Variants in STAT5B observed in about 807,000 individuals in gnomAD.
The protein encoded by STAT5B is signal transducer and activator of transcription 5B, also known as transcription factor STAT5B.
In STAT5B, 21 loss-of-function variants were observed where a neutral mutation model predicts 107.8. That is an observed-to-expected ratio of 0.19 (90% CI 0.14 to 0.28). The LOEUF is 0.28. STAT5B is among the 10% of genes least tolerant of loss of function. The pLI is 1.00. For synonymous variants in STAT5B, 325 were observed against 401.7 expected, an observed-to-expected ratio of 0.81 and a Z score of 2.28; for missense variants, 565 against 1,008.2, an observed-to-expected ratio of 0.56 and a Z score of 5.95.
chr17:42,210,373 G>C, intron 14 of STAT5B, 30 bp downstream of exon 14: 2 of 1,614,166 alleles, frequency 1.2e-6, no homozygotes, highest in Non-Finnish European at 1.7e-6. Flanking sequence ...TTCAGACTCT[G>C]TCGGCGCCTT....
intron 2 of STAT5B, among the ~76,000 whole-genome samples, chr17:42,228,108 C>A (rs1278198550): frequency 6.6e-6 from 1 of 152,204 alleles, no homozygotes; most frequent in Non-Finnish European, 1.5e-5. Context: ...TCTACATGTC[C>A]TTTCCAGCCT....
chr17:42,273,219 G>GA lies in STAT5B; in HGVS notation c.-11+3028dup, dbSNP rs903254565. ...CTGTTGTGTTTCCAACACTGCAGGA[G>GA]AAAAAAAAAAACTTCTGATTTTAGA... On this transcript the variant is annotated intron_variant, in intron 1 of 18. Coordinates refer to ENST00000293328, the MANE Select transcript of STAT5B (RefSeq NM_012448.4). 4.3e-3 allele frequency among the ~76,000 whole-genome samples: 620 copies of GA among 142,530 alleles called. 4 individuals carry two copies. Among genetic ancestry groups the GA allele is most frequent in the African/African-American group, 0.014 (559 of 39,084 alleles). 93.5% of individuals were successfully genotyped at this position (142,530 alleles called of 152,430 possible).
intron 2 of STAT5B, among the ~76,000 whole-genome samples, chr17:42,229,307 G>A (rs1328865457): frequency 1.3e-5 from 2 of 151,746 alleles, no homozygotes; most frequent in Non-Finnish European, 2.9e-5. Flanking sequence ...GCACCACCAC[G>A]CCTGGCTAAT....
At chr17:42,225,378 C>T (rs781107358) in intron 3 of STAT5B, among the ~76,000 whole-genome samples, 1 of 152,078 alleles carries the variant, frequency 6.6e-6, no homozygotes, top group African/African-American at 2.4e-5. Flanking sequence ...TTCTTAAAAA[C>T]GGAATAAATA....
At position 42,199,838 on chromosome 17, in the gene STAT5B, C is replaced by G. The variant is rs1375586339; in HGVS notation, c.*1900G>C. On this transcript the variant is annotated 3_prime_UTR_variant, in exon 19 of 19. Transcript: ENST00000293328. ...TGAAAGTGTATCAAGTCTGACCCCC[C>G]AACCAGGGTTGCTGGAACAGAGAGC... 1 of 152,424 alleles carries G rather than the reference C, an allele frequency of 6.6e-6. No individual in the cohort carries two copies. Among genetic ancestry groups the G allele is most frequent in the East Asian group, 1.9e-4 (1 of 5,338 alleles). The allele number at this position is 152,424 out of a possible 1,614,324, so 9.4% of individuals were successfully genotyped here.
chr17:42,230,772 T>G (rs2080311009), intron 2 of STAT5B, among the ~76,000 whole-genome samples: 2 of 151,720 alleles, frequency 1.3e-5, no homozygotes, highest in African/African-American at 4.8e-5. Flanking sequence ...GCGATTCTCA[T>G]GCTTTAGCCT....
chr17:42,254,149 G>A (rs998695776), intron 1 of STAT5B, among the ~76,000 whole-genome samples: 1 of 152,106 alleles, frequency 6.6e-6, no homozygotes, highest in African/African-American at 2.4e-5. Flanking sequence ...GCTGAGGCAG[G>A]AGGATCACTT....
intron 17 of STAT5B, 84 bp downstream of exon 17, chr17:42,202,673 G>T: frequency 6.2e-7 from 1 of 1,607,296 alleles, no homozygotes; most frequent in South Asian, 1.1e-5. Flanking sequence ...GGAGCGGAAA[G>T]CTGGGCCAGG....
Position 42,245,225 on chromosome 17 carries a change from G to A in STAT5B, c.-10-13088C>T, listed in dbSNP as rs540939415. 3.3e-5 allele frequency among the ~76,000 whole-genome samples: 5 copies of A among 149,834 alleles called. No homozygotes were observed. The East Asian group carries it at 8.0e-4, about 24-fold the overall frequency. ...CCCGAATAGCTGGGACTACAGGCAC[G>A]CGCCACCATGCCCAGCTAATTTTTG... On this transcript the variant is annotated intron_variant, in intron 1 of 18. Coordinates refer to ENST00000293328, the MANE Select transcript of STAT5B (RefSeq NM_012448.4).
Position 42,230,256 on chromosome 17 carries a change from G to A in STAT5B, c.128+1744C>T, listed in dbSNP as rs145590776. Among the ~76,000 whole-genome samples the A allele has an allele frequency of 3.3e-4, 50 of 152,162 alleles. No homozygotes were observed. In the East Asian group the frequency reaches 8.3e-3, roughly 25 times the overall value. On this transcript the variant is annotated intron_variant, in intron 2 of 18. Coordinates refer to ENST00000293328, the MANE Select transcript of STAT5B (RefSeq NM_012448.4). ...GAAATTTGCTACTAACACGCATTGC[G>A]ATTATTCTAAGGCAACATTACAGAC...
At chr17:42,250,449 C>G (rs1410985755) in intron 1 of STAT5B, among the ~76,000 whole-genome samples, 2 of 152,108 alleles carry the variant, frequency 1.3e-5, no homozygotes, top group African/African-American at 4.8e-5. Context: ...ATTTCCAAGC[C>G]CTTCCTATAC....
intron 1 of STAT5B, among the ~76,000 whole-genome samples, chr17:42,265,478 G>A (rs1364319364): frequency 1.0e-4 from 15 of 149,880 alleles, no homozygotes; most frequent in African/African-American, 3.0e-4. Context: ...TCAGCCTCCC[G>A]AGTAGCTGGG....
chr17:42,258,151 T>C (rs2080563006), intron 1 of STAT5B, among the ~76,000 whole-genome samples: 1 of 152,222 alleles, frequency 6.6e-6, no homozygotes, highest in Non-Finnish European at 1.5e-5. Context: ...TGAGGAATAA[T>C]TTTACATTCA....
At chr17:42,210,689 A>G (rs2080121099) in intron 13 of STAT5B, 192 bp from the exon 14 acceptor site, 1 of 620,956 alleles carries the variant, frequency 1.6e-6, no homozygotes, top group African/African-American at 1.8e-5. Context: ...GGAAAATACC[A>G]AACTGCAGTT....
chr17:42,227,827 AAT>A (rs2080286677), intron 2 of STAT5B, 142 bp from the exon 3 acceptor site: 2 of 749,736 alleles, frequency 2.7e-6, no homozygotes, highest in Admixed American at 2.4e-5. Flanking sequence ...GCCCAACAGA[AAT>A]GGACTCAATG....
At chr17:42,229,538 TA>T (rs1036283326) in intron 2 of STAT5B, among the ~76,000 whole-genome samples, 2,324 of 141,136 alleles carry the variant, frequency 0.016, 41 homozygotes, top group African/African-American at 0.052. Flanking sequence ...AATTCTCTGT[TA>T]AAAAAAAAAA....
At position 42,202,369 on chromosome 17, in the gene STAT5B, G is replaced by A; in HGVS notation, c.2208C>T (p.Pro736=). ...MDQAPSPAVC[P]QAHYNMYPQN... Reference sequence around the variant, plus strand: ...GTGGGTACATGTTATAGTGAGCCTGGGGACACACAGCTGGGGAGGGGGCCT... The same window carrying A: ...GTGGGTACATGTTATAGTGAGCCTGAGGACACACAGCTGGGGAGGGGGCCT... The change falls in exon 18 of 19, where the codon CCC becomes CCT. Residue 736 remains proline, a synonymous_variant. Transcript: ENST00000293328. The A allele has an allele frequency of 1.2e-6, 2 of 1,614,240 alleles. No homozygotes were observed. Among genetic ancestry groups the A allele is most frequent in the Non-Finnish European group, 1.7e-6 (2 of 1,180,044 alleles).
chr17:42,277,019 G>GGAA (rs2080772626), upstream of STAT5B, among the ~76,000 whole-genome samples: 1 of 152,236 alleles, frequency 6.6e-6, no homozygotes, highest in Non-Finnish European at 1.5e-5. Flanking sequence ...CCTGGGGCCG[G>GGAA]TTCCCTTCCT....
chr17:42,233,313 G>C (rs2080332201), intron 1 of STAT5B, among the ~76,000 whole-genome samples: 1 of 152,128 alleles, frequency 6.6e-6, no homozygotes, highest in Non-Finnish European at 1.5e-5. Flanking sequence ...TGCACACAAA[G>C]AGCACAGATT....
Sources: gnomAD v4.1 joint callset for allele counts (sites outside exome capture counted in the v4.1 genomes callset) on GRCh38, gnomAD v4.1.1 for gene constraint, MANE v1.5 for transcripts, NCBI Gene and HGNC (gene_info 2026-07-23, HGNC 2026-07-21) for gene names.